RABEP1: variants seen among roughly 807,000 people sequenced by gnomAD.
RABEP1 encodes rabaptin, RAB GTPase binding effector protein 1.
Under a neutral mutation model 123.4 loss-of-function variants are expected in RABEP1, and 51 were observed. The ratio of observed to expected loss-of-function variants is 0.41; its 90% confidence interval spans 0.33 to 0.52. The LOEUF (loss-of-function observed/expected upper bound fraction) is 0.52. Ranked by LOEUF, RABEP1 falls within the 20% of genes least tolerant of loss-of-function variation. The pLI is 0.16. For missense variants in RABEP1, 888 were observed against 996.3 expected, an observed-to-expected ratio of 0.89 and a Z score of 1.46; for synonymous variants, 347 against 355.2, an observed-to-expected ratio of 0.98 and a Z score of 0.26.
intron 1 of RABEP1, among the ~76,000 whole-genome samples, chr17:5,293,816 C>A (rs1020529932): frequency 6.6e-6 from 1 of 152,180 alleles, no homozygotes; most frequent in Non-Finnish European, 1.5e-5. Flanking sequence ...AATTAGATAG[C>A]TGCTCATAAC....
At chr17:5,322,611 A>G (rs1905491695) in intron 2 of RABEP1, among the ~76,000 whole-genome samples, 1 of 152,208 alleles carries the variant, frequency 6.6e-6, no homozygotes, top group African/African-American at 2.4e-5. Context: ...GAATTAAACT[A>G]CACAGTAGAT....
chr17:5,337,915 G>T, intron 4 of RABEP1, 104 bp from the exon 5 acceptor site: 1 of 1,286,004 alleles, frequency 7.8e-7, no homozygotes, highest in Non-Finnish European at 1.0e-6. Flanking sequence ...ATAGTGTCTG[G>T]TCAAGTTACT....
chr17:5,302,735 C>G (rs58383681), intron 1 of RABEP1, among the ~76,000 whole-genome samples: 18,760 of 151,690 alleles, frequency 0.12, 1,878 homozygotes, highest in East Asian at 0.48. Flanking sequence ...ACTCTGTTGC[C>G]CAGGCTGGTC....
At chr17:5,351,102 T>C (rs1908508425) in intron 7 of RABEP1, among the ~76,000 whole-genome samples, 3 of 151,990 alleles carry the variant, frequency 2.0e-5, no homozygotes, top group Middle Eastern at 3.4e-3. Flanking sequence ...CCAAGACAGT[T>C]CTTCTTCAGT....
chr17:5,286,121 T>C (rs8077567), intron 1 of RABEP1, among the ~76,000 whole-genome samples: 13,618 of 152,280 alleles, frequency 0.089, 763 homozygotes, highest in Non-Finnish European at 0.12. Flanking sequence ...CAACGATATA[T>C]GGCAGGTGGA....
chr17:5,300,839 T>C (rs1429204155), intron 1 of RABEP1, among the ~76,000 whole-genome samples: 1 of 152,148 alleles, frequency 6.6e-6, no homozygotes, highest in African/African-American at 2.4e-5. Context: ...ATGAAGTTGC[T>C]TACAGAGTCA....
rs150985650 is a variant in RABEP1, at chr17:5,385,946, G to T, written c.*2723G>T. The T allele has an allele frequency of 7.4e-3, 3,101 of 421,220 alleles. 15 individuals are homozygous for T. The highest frequency in any genetic ancestry group is 0.01 in the Non-Finnish European group (2,419 of 239,768). 26.1% of individuals were successfully genotyped at this position (421,220 alleles called of 1,614,324 possible). On this transcript the variant is annotated 3_prime_UTR_variant, in exon 18 of 18. Transcript: ENST00000537505. Reference sequence around the variant, plus strand: ...TATGGAGAAAACTCAATAGGGTTCAGGGAGGTTCTGGCAGTGTGCAGTGTG... The same window carrying T: ...TATGGAGAAAACTCAATAGGGTTCATGGAGGTTCTGGCAGTGTGCAGTGTG...
intron 8 of RABEP1, among the ~76,000 whole-genome samples, chr17:5,358,626 G>A (rs1286504261): frequency 2.6e-5 from 4 of 151,756 alleles, no homozygotes. Context: ...GGCTGAGAAT[G>A]CGCCACTGCA....
At chr17:5,344,276 A>G (rs887042399) in intron 5 of RABEP1, among the ~76,000 whole-genome samples, 2 of 151,856 alleles carry the variant, frequency 1.3e-5, no homozygotes, top group Non-Finnish European at 2.9e-5. Flanking sequence ...TGTCTCTACT[A>G]AAAATACAAA....
At chr17:5,328,727 T>G (rs1159946674) in intron 2 of RABEP1, among the ~76,000 whole-genome samples, 1 of 128,494 alleles carries the variant, frequency 7.8e-6, no homozygotes, top group Non-Finnish European at 1.6e-5. Context: ...CCGAGGCAGG[T>G]GGATCACGAG....
In RABEP1 at chr17:5,334,687, A is replaced by C. The variant is rs911352583; in HGVS notation, c.368-497A>C. Among the ~76,000 whole-genome samples, 7 of 152,292 alleles carry C rather than the reference A, an allele frequency of 4.6e-5. No homozygotes were observed. The South Asian group carries it at 8.3e-4, about 18-fold the overall frequency. On this transcript the variant is annotated intron_variant, in intron 3 of 17. Coordinates refer to ENST00000537505, the MANE Select transcript of RABEP1 (RefSeq NM_004703.6). ...CCGGCCACGTTTTAAGATTATATTAAAGAGAAAGCGATTTTTTTAAAGACC... is the reference window on the plus strand; with the variant it reads ...CCGGCCACGTTTTAAGATTATATTACAGAGAAAGCGATTTTTTTAAAGACC...
At chr17:5,320,421 C>CAAA (rs60202531) in intron 2 of RABEP1, among the ~76,000 whole-genome samples, 1,443 of 84,410 alleles carry the variant, frequency 0.017, 16 homozygotes, top group African/African-American at 0.023. Context: ...GCTAACACAC[C>CAAA]AAAAAAAAAA....
In RABEP1 at chr17:5,310,301, C is replaced by CTTTTTT. The variant is rs11432831; in HGVS notation, c.163+1492_163+1497dup. Among the ~76,000 whole-genome samples the CTTTTTT allele has an allele frequency of 1.1e-3, 144 of 126,388 alleles. 32 individuals are homozygous for CTTTTTT. Among genetic ancestry groups the CTTTTTT allele is most frequent in the African/African-American group, 1.6e-3 (51 of 32,794 alleles). The allele number at this position is 126,388 out of a possible 152,430, so 82.9% of individuals were successfully genotyped here. On this transcript the variant is annotated intron_variant, in intron 2 of 17. Transcript: ENST00000537505. ...TTACAATTTAAATGAAAGCTTCGTC[C>CTTTTTT]TTTTTTTTTTTTTTTTTTGAGATGG...
At chr17:5,334,220 T>C (rs1268039005) in intron 3 of RABEP1, among the ~76,000 whole-genome samples, 2 of 151,588 alleles carry the variant, frequency 1.3e-5, no homozygotes, top group African/African-American at 4.8e-5. Context: ...TTTTTTTCCC[T>C]TTCCCTTCCC....
intron 1 of RABEP1, among the ~76,000 whole-genome samples, chr17:5,293,158 G>A (rs1261684080): frequency 3.3e-5 from 5 of 151,984 alleles, no homozygotes; most frequent in South Asian, 2.1e-4. Flanking sequence ...GTGGTGGTGC[G>A]TGCCTGTAAT....
At chr17:5,325,169 C>G (rs374116409) in intron 2 of RABEP1, among the ~76,000 whole-genome samples, 1 of 150,222 alleles carries the variant, frequency 6.7e-6, no homozygotes, top group Non-Finnish European at 1.5e-5. Flanking sequence ...AAAAACAAAC[C>G]AAAAAAAAAC....
At chr17:5,358,625 T>G (rs1000110843) in intron 8 of RABEP1, among the ~76,000 whole-genome samples, 1 of 150,828 alleles carries the variant, frequency 6.6e-6, no homozygotes, top group African/African-American at 2.4e-5. Context: ...GGGCTGAGAA[T>G]GCGCCACTGC....
intron 5 of RABEP1, among the ~76,000 whole-genome samples, chr17:5,340,697 A>G (rs1907521843): frequency 6.6e-6 from 1 of 151,382 alleles, no homozygotes; most frequent in Admixed American, 6.6e-5. Context: ...CTGTAATCCC[A>G]GCACTTTGGG....
chr17:5,381,901 CCTTT>C (rs751117968), intron 17 of RABEP1, among the ~76,000 whole-genome samples: 8 of 152,104 alleles, frequency 5.3e-5, no homozygotes, highest in Admixed American at 2.0e-4. Flanking sequence ...CCTCCTGACT[CCTTT>C]CTTTCAAGGC....
Sources: gnomAD v4.1 joint callset for allele counts (sites outside exome capture counted in the v4.1 genomes callset) on GRCh38, gnomAD v4.1.1 for gene constraint, MANE v1.5 for transcripts, NCBI Gene and HGNC (gene_info 2026-07-23, HGNC 2026-07-21) for gene names.